GPX7: variants seen among roughly 807,000 people sequenced by gnomAD.
GPX7 encodes glutathione peroxidase 7.
GPX7 carries 21 observed loss-of-function variants against 23.7 expected under a neutral mutation model. The ratio of observed to expected loss-of-function variants is 0.89; its 90% confidence interval spans 0.63 to 1.28. The LOEUF is 1.28. Ranked by LOEUF, GPX7 falls within the 50% of genes most tolerant of loss-of-function variation. The pLI, the probability that GPX7 is intolerant of heterozygous loss-of-function variation, is 0.00. For synonymous variants in GPX7, 112 were observed against 101.8 expected (o/e 1.10, Z -0.61); for missense variants, 238 against 237.3 (o/e 1.00, Z -0.02).
Position 52,606,696 on chromosome 1 carries a change from G to A in GPX7, c.151G>A (p.Val51Met). The A allele has an allele frequency of 6.2e-7, 1 of 1,613,662 alleles. No homozygotes were observed. Among genetic ancestry groups the A allele is most frequent in the Non-Finnish European group, 8.5e-7 (1 of 1,179,978 alleles). Reference protein sequence around the residue: ...EKYRGSVSLVVNVASECGFTD... With the variant: ...EKYRGSVSLVMNVASECGFTD... ...TTCTGTCATACAGGTGTCCCTGGTG[G>A]TGAATGTGGCCAGCGAGTGCGGCTT... is the stretch of plus-strand genomic sequence containing the variant. The change falls in exon 2 of 3, where the codon GTG (valine) becomes ATG (methionine). Residue 51 changes from valine (V) to methionine (M), a missense_variant. Val to Met is a conservative substitution (Grantham distance 21, BLOSUM62 1). Coordinates refer to ENST00000361314, the MANE Select transcript of GPX7 (RefSeq NM_015696.5).
chr1:52,605,907 T>C (rs1331074420), intron 1 of GPX7, among the ~76,000 whole-genome samples: 1 of 152,160 alleles, frequency 6.6e-6, no homozygotes, highest in Admixed American at 6.5e-5. Context: ...GCTCAGAAGT[T>C]TGAGACTGCA....
intron 2 of GPX7, among the ~76,000 whole-genome samples, chr1:52,607,787 C>T (rs915716375): frequency 6.6e-5 from 10 of 151,996 alleles, no homozygotes; most frequent in South Asian, 6.2e-4. Flanking sequence ...AGATCAAACC[C>T]GGCCTTGCTT....
chr1:52,607,193 A>C, intron 2 of GPX7: 2 of 523,710 alleles, frequency 3.8e-6, no homozygotes, highest in South Asian at 3.0e-5. Context: ...CTCAGAAGTC[A>C]CTCTTTTGGA....
chr1:52,605,763 G>A (rs34561499), intron 1 of GPX7, among the ~76,000 whole-genome samples: 1 of 152,316 alleles, frequency 6.6e-6, no homozygotes, highest in East Asian at 1.9e-4. Flanking sequence ...GAGGCTAAGA[G>A]TTTTTGAGTC....
chr1:52,606,818 A>G lies in GPX7; in HGVS notation c.273A>G (p.Gln91=). The G allele has an allele frequency of 1.2e-6, 2 of 1,614,124 alleles. No individual in the cohort carries two copies. The highest frequency in any genetic ancestry group is 1.7e-6 in the Non-Finnish European group (2 of 1,179,982). Residue 91 remains glutamine (Q), a synonymous_variant, in exon 2 of 3, where the codon CAA becomes CAG. Coordinates refer to ENST00000361314, the MANE Select transcript of GPX7 (RefSeq NM_015696.5). ...CCTTCCCCTGCAACCAGTTTGGCCA[A>G]CAGGAGCCTGACAGCAACAAGGAGA... The part of the protein sequence containing the change: ...VLAFPCNQFG[Q]QEPDSNKEIE...
Position 52,608,254 on chromosome 1 carries a change from T to G in GPX7, c.401-8T>G, listed in dbSNP as rs1193129138. Reference sequence around the variant, plus strand: ...TAGCACGCTTTGCTCTCCTTCCTTTTTCTCTAGAGACTTCTGGGAAGGAGC... The same window carrying G: ...TAGCACGCTTTGCTCTCCTTCCTTTGTCTCTAGAGACTTCTGGGAAGGAGC... On this transcript the variant is annotated splice_region_variant and splice_polypyrimidine_tract_variant and intron_variant, in intron 2 of 2. Coordinates refer to ENST00000361314, the MANE Select transcript of GPX7 (RefSeq NM_015696.5). 4 of 1,604,648 alleles carry G rather than the reference T, an allele frequency of 2.5e-6. No individual in the cohort carries two copies. The East Asian group carries it at 8.9e-5, about 36-fold the overall frequency.
rs1199393624 is a variant in GPX7 at position 52,608,708 on chromosome 1, C to G, written c.*283C>G. On this transcript the variant is annotated 3_prime_UTR_variant, in exon 3 of 3. Coordinates refer to ENST00000361314, the MANE Select transcript of GPX7 (RefSeq NM_015696.5). ...AAATGTGTGGCAAATAGAAGTATAT[C>G]AAGCAATAATCTCCCACCCAAGGCT... is the stretch of plus-strand genomic sequence containing the variant. The G allele has an allele frequency of 4.7e-6, 1 of 214,466 alleles. No homozygotes were observed. Among genetic ancestry groups the G allele is most frequent in the African/African-American group, 2.3e-5 (1 of 43,626 alleles). The allele number at this position is 214,466 out of a possible 1,614,324, so 13.3% of individuals were successfully genotyped here.
At chr1:52,608,193 C>A in intron 2 of GPX7, 69 bp from the exon 3 acceptor site, 1 of 1,419,904 alleles carries the variant, frequency 7.0e-7, no homozygotes, top group Non-Finnish European at 9.6e-7. Context: ...GAAAGATGGA[C>A]ACTGAGAGTG....
Position 52,606,854 on chromosome 1 carries a change from T to C in GPX7, c.309T>C (p.Phe103=), listed in dbSNP as rs557210403. 29 of 1,614,182 alleles carry C rather than the reference T, an allele frequency of 1.8e-5. 1 individual carries two copies. In the South Asian group the frequency reaches 2.6e-4, roughly 15 times the overall value. Residue 103 remains phenylalanine (F), a synonymous_variant, in exon 2 of 3, where the codon TTT becomes TTC. Coordinates refer to ENST00000361314, the MANE Select transcript of GPX7 (RefSeq NM_015696.5). ...EPDSNKEIES[F]ARRTYSVSFP... ...ACAGCAACAAGGAGATTGAGAGCTT[T>C]GCCCGCCGCACCTACAGTGTCTCAT...
intron 1 of GPX7, among the ~76,000 whole-genome samples, chr1:52,606,103 TACTC>T (rs1174198641): frequency 2.0e-5 from 3 of 152,252 alleles, no homozygotes; most frequent in Non-Finnish European, 4.4e-5. Flanking sequence ...TGTGCACACT[TACTC>T]ATTCATCTGA....
chr1:52,604,139 G>A (rs1175294815), intron 1 of GPX7, among the ~76,000 whole-genome samples: 2 of 152,170 alleles, frequency 1.3e-5, no homozygotes, highest in Non-Finnish European at 2.9e-5. Flanking sequence ...AATGCACGAG[G>A]TAATTCCTAG....
Position 52,602,538 on chromosome 1 carries a change from C to G in GPX7, c.129C>G (p.Tyr43Ter). Residue 43 changes from tyrosine to a stop codon, truncating the protein, a stop_gained, in exon 1 of 3, where the codon TAC (tyrosine) becomes TAG (stop). Coordinates refer to ENST00000361314, the MANE Select transcript of GPX7 (RefSeq NM_015696.5). LOFTEE classifies it high-confidence loss of function. ...GCAAACTGGTGTCGCTGGAGAAGTA[C>G]CGCGGATCGGTGAGTGCGCGGGGTC... ...IRGKLVSLEK[Y>*]RGSVSLVVNV... 6.4e-7 allele frequency: 1 copy of G among 1,559,370 alleles called. No homozygotes were observed. Among genetic ancestry groups the G allele is most frequent in the Non-Finnish European group, 8.6e-7 (1 of 1,156,984 alleles).
chr1:52,606,800 C>G lies in GPX7; in HGVS notation c.255C>G (p.Pro85=). Residue 85 remains proline (P), a synonymous_variant, in exon 2 of 3, where the codon CCC becomes CCG. Transcript: ENST00000361314. ...ACCACTTTAACGTGCTCGCCTTCCCCTGCAACCAGTTTGGCCAACAGGAGC... is the reference window on the plus strand; with the variant it reads ...ACCACTTTAACGTGCTCGCCTTCCCGTGCAACCAGTTTGGCCAACAGGAGC... ...GPHHFNVLAF[P]CNQFGQQEPD... 1 of 1,614,196 alleles carries G rather than the reference C, an allele frequency of 6.2e-7. No individual in the cohort carries two copies.
rs1690880262 is a variant in GPX7 at position 52,608,582 on chromosome 1, T to C, written c.*157T>C. The C allele has an allele frequency of 4.0e-6, 2 of 502,812 alleles. No homozygotes were observed. Among genetic ancestry groups the C allele is most frequent in the Non-Finnish European group, 6.4e-6 (2 of 310,886 alleles). 31.1% of individuals were successfully genotyped at this position (502,812 alleles called of 1,614,324 possible). ...CATTCTTGTGGGGGAAAAATTCTAG[T>C]ATTTTGATTATTTGAATCTTACAGC... On this transcript the variant is annotated 3_prime_UTR_variant, in exon 3 of 3. Coordinates refer to ENST00000361314, the MANE Select transcript of GPX7 (RefSeq NM_015696.5).
intron 1 of GPX7, among the ~76,000 whole-genome samples, chr1:52,605,792 G>A (rs1365921185): frequency 1.3e-5 from 2 of 152,146 alleles, no homozygotes; most frequent in South Asian, 2.1e-4. Context: ...ACAACATGGC[G>A]AGAACTGTCT....
At chr1:52,605,479 T>C (rs577941583) in intron 1 of GPX7, among the ~76,000 whole-genome samples, 7 of 152,280 alleles carry the variant, frequency 4.6e-5, no homozygotes, top group African/African-American at 1.7e-4. Context: ...GACCCAAATG[T>C]CAATTATGGA....
At position 52,606,901 on chromosome 1, in the gene GPX7, C is replaced by T. The variant is rs1367257554; in HGVS notation, c.356C>T (p.Ala119Val). The T allele has an allele frequency of 1.2e-6, 2 of 1,614,204 alleles. No individual in the cohort carries two copies. The highest frequency in any genetic ancestry group is 1.7e-5 in the Admixed American group (1 of 60,032). ...SVSFPMFSKI[A>V]VTGTGAHPAF... ...TCATTCCCCATGTTTAGCAAGATTG[C>T]AGTCACCGGTACTGGTGCCCATCCT... The change falls in exon 2 of 3, where the codon GCA becomes GTA. Residue 119 changes from alanine (A) to valine (V), a missense_variant. Physicochemically the swap from Ala to Val is moderately conservative, Grantham distance 64 (BLOSUM62 0). Coordinates refer to ENST00000361314, the MANE Select transcript of GPX7 (RefSeq NM_015696.5).
At chr1:52,605,763 G>C (rs34561499) in intron 1 of GPX7, among the ~76,000 whole-genome samples, 12 of 152,316 alleles carry the variant, frequency 7.9e-5, no homozygotes, top group African/African-American at 2.9e-4. Context: ...GAGGCTAAGA[G>C]TTTTTGAGTC....
chr1:52,602,539 C>G lies in GPX7; in HGVS notation c.130C>G (p.Arg44Gly), dbSNP rs571978926. 7.1e-6 allele frequency: 11 copies of G among 1,558,740 alleles called. No homozygotes were observed. The East Asian group carries it at 8.0e-5, about 11-fold the overall frequency. ...CAAACTGGTGTCGCTGGAGAAGTAC[C>G]GCGGATCGGTGAGTGCGCGGGGTCT... is the stretch of plus-strand genomic sequence containing the variant. ...RGKLVSLEKY[R>G]GSVSLVVNVA... Residue 44 changes from arginine (R) to glycine (G), a missense_variant, in exon 1 of 3, where the codon CGC (arginine) becomes GGC (glycine). Physicochemically the swap from Arg to Gly is moderately radical, Grantham distance 125 (BLOSUM62 -2). Transcript: ENST00000361314.
Sources: allele counts gnomAD v4.1 joint callset (sites outside exome capture counted in the v4.1 genomes callset), GRCh38; gene constraint gnomAD v4.1.1; transcripts MANE v1.5; gene names NCBI Gene and HGNC (gene_info 2026-07-23, HGNC 2026-07-21).